The following IL1RL2 variants were observed in gnomAD, a reference collection of about 807,000 sequenced individuals.
IL1RL2 encodes the protein interleukin-1 receptor-like 2.
Under a neutral mutation model 66.8 loss-of-function variants are expected in IL1RL2, and 68 were observed. The observed-to-expected ratio is 1.02, with a 90% confidence interval of 0.84 to 1.25. The LOEUF (loss-of-function observed/expected upper bound fraction) is 1.25, where lower values mean the gene tolerates loss of function less well. Ranked by LOEUF, IL1RL2 falls within the 50% of genes most tolerant of loss-of-function variation. The pLI, the probability that IL1RL2 is intolerant of heterozygous loss-of-function variation, is 0.00. For missense variants in IL1RL2, 729 were observed against 709.3 expected (o/e 1.03, Z -0.32); for synonymous variants, 305 against 264.6 (o/e 1.15, Z -1.48).
At chr2:102,191,880 G>A in intron 3 of IL1RL2, 45 bp from the exon 4 acceptor site, 1 of 1,266,794 alleles carries the variant, frequency 7.9e-7, no homozygotes, top group Non-Finnish European at 1.1e-6. Flanking sequence ...ATTTGATTTT[G>A]TGATTTGTTT....
At chr2:102,220,947 T>A (rs903732107) in intron 8 of IL1RL2, among the ~76,000 whole-genome samples, 1 of 152,214 alleles carries the variant, frequency 6.6e-6, no homozygotes, top group Admixed American at 6.5e-5. Context: ...TGAATAGGGA[T>A]CTGTGCGTGG....
chr2:102,187,933 C>A lies in IL1RL2; in HGVS notation c.58+8C>A, dbSNP rs1167949278. On this transcript the variant is annotated splice_region_variant and intron_variant, in intron 2 of 11. Coordinates refer to ENST00000264257, the MANE Select transcript of IL1RL2 (RefSeq NM_003854.4). ...CACTGTCTGTCACAGCAGGTACGTT[C>A]CGTGTGTCCTCCGTTCCCAGAGGCT... The A allele has an allele frequency of 1.2e-6, 2 of 1,613,384 alleles. No homozygotes were observed. Among genetic ancestry groups the A allele is most frequent in the Admixed American group, 3.3e-5 (2 of 59,996 alleles).
At chr2:102,205,782 GT>G (rs897709751) in intron 5 of IL1RL2, among the ~76,000 whole-genome samples, 1 of 152,094 alleles carries the variant, frequency 6.6e-6, no homozygotes, top group Non-Finnish European at 1.5e-5. Context: ...CTTTCTCTAG[GT>G]TTGGGAAGTT....
rs149111647 is a variant in IL1RL2 at position 102,232,346 on chromosome 2, C to T, written c.1136-617C>T. The stretch of plus-strand genomic sequence containing the variant: ...CAGGCTGGTCTTGAACTCCTGACCT[C>T]AGGTGATCCACCTGCTTTGGCCTCC... On this transcript the variant is annotated intron_variant, in intron 9 of 11. Coordinates refer to ENST00000264257, the MANE Select transcript of IL1RL2 (RefSeq NM_003854.4). Among the ~76,000 whole-genome samples, 304 of 152,184 alleles carry T rather than the reference C, an allele frequency of 2.0e-3. 8 individuals carry two copies. In the East Asian group the frequency reaches 0.05, roughly 25 times the overall value.
Position 102,195,424 on chromosome 2 carries a change from A to AT in IL1RL2, c.489+3311dup, listed in dbSNP as rs917020792. 4.0e-5 allele frequency among the ~76,000 whole-genome samples: 6 copies of AT among 151,022 alleles called. No homozygotes were observed. In the East Asian group the frequency reaches 5.8e-4, roughly 15 times the overall value. On this transcript the variant is annotated intron_variant, in intron 4 of 11. Transcript: ENST00000264257. Reference sequence around the variant, plus strand: ...TGTAGTGTTGGTAGGGTCAAATGTAATTTTTTTCTCTGTGGACTTATAGTT... The same window carrying AT: ...TGTAGTGTTGGTAGGGTCAAATGTAATTTTTTTTCTCTGTGGACTTATAGTT...
At chr2:102,195,648 T>TC (rs1491114656) in intron 4 of IL1RL2, among the ~76,000 whole-genome samples, 501 of 12,634 alleles carry the variant, frequency 0.04, 39 homozygotes, top group Middle Eastern at 0.091. Context: ...TCTCTCTCTC[T>TC]TTCTTTCTTT....
At chr2:102,190,024 G>A (rs1434616982) in intron 3 of IL1RL2, among the ~76,000 whole-genome samples, 1 of 152,202 alleles carries the variant, frequency 6.6e-6, no homozygotes, top group African/African-American at 2.4e-5. Flanking sequence ...AGCCTCCTAT[G>A]AGCGCTTTTC....
chr2:102,229,799 T>C (rs551320579), intron 9 of IL1RL2, among the ~76,000 whole-genome samples: 2 of 152,322 alleles, frequency 1.3e-5, no homozygotes, highest in East Asian at 1.9e-4. Flanking sequence ...TTTGTACATT[T>C]TGAATTTTTC....
In IL1RL2 at chr2:102,234,825, C is replaced by T. The variant is rs35428174; in HGVS notation, c.1298-72C>T. 9.7e-3 allele frequency: 13,201 copies of T among 1,367,572 alleles called. 137 individuals carry two copies. Among genetic ancestry groups the T allele is most frequent in the African/African-American group, 0.052 (3,581 of 68,898 alleles). The allele number at this position is 1,367,572 out of a possible 1,614,324, so 84.7% of individuals were successfully genotyped here. A position where few individuals can be genotyped will look rare whatever the true frequency, so the allele number is the denominator to read the frequency against. ...CAATTTTCTCCTGGCCTGTTTCAAA[C>T]ATTCTCACTAGCATTAAGACCCGGG... On this transcript the variant is annotated intron_variant, in intron 10 of 11. Coordinates refer to ENST00000264257, the MANE Select transcript of IL1RL2 (RefSeq NM_003854.4).
intron 11 of IL1RL2, chr2:102,235,513 A>G: frequency 2.0e-6 from 2 of 985,456 alleles, no homozygotes; most frequent in Non-Finnish European, 2.4e-6. Flanking sequence ...CTATGGGCTT[A>G]TTGACACATG....
At chr2:102,195,586 T>G (rs532702583) in intron 4 of IL1RL2, among the ~76,000 whole-genome samples, 8 of 16,290 alleles carry the variant, frequency 4.9e-4, no homozygotes, top group African/African-American at 1.1e-3. Flanking sequence ...TCTTTCTTTC[T>G]TTCTTTCTTT....
intron 6 of IL1RL2, among the ~76,000 whole-genome samples, chr2:102,218,586 C>T (rs542257893): frequency 2.6e-5 from 4 of 152,316 alleles, no homozygotes; most frequent in East Asian, 1.9e-4. Context: ...AATAGCCCCT[C>T]CCCTTTTCCT....
intron 5 of IL1RL2, 140 bp downstream of exon 5, chr2:102,201,855 C>A: frequency 1.4e-6 from 1 of 707,600 alleles, no homozygotes; most frequent in South Asian, 1.9e-5. Context: ...CTCAGACCTG[C>A]CACTGTTAGA....
intron 5 of IL1RL2, among the ~76,000 whole-genome samples, chr2:102,202,644 C>T (rs977124743): frequency 2.0e-5 from 3 of 151,982 alleles, no homozygotes; most frequent in African/African-American, 7.3e-5. Context: ...TTATGTGTGG[C>T]TATTGTAAAT....
intron 8 of IL1RL2, among the ~76,000 whole-genome samples, chr2:102,223,490 C>G (rs573211254): frequency 2.2e-4 from 34 of 152,230 alleles, no homozygotes; most frequent in Non-Finnish European, 5.0e-4. Context: ...AACAGGACAT[C>G]TAGTACATCA....
chr2:102,227,590 C>T (rs1367176779), intron 9 of IL1RL2, among the ~76,000 whole-genome samples: 1 of 152,106 alleles, frequency 6.6e-6, no homozygotes, highest in Admixed American at 6.5e-5. Context: ...CTGGTTTTGG[C>T]TCTGGCATCT....
intron 11 of IL1RL2, chr2:102,235,881 G>C: frequency 2.0e-6 from 2 of 985,416 alleles, no homozygotes; most frequent in Non-Finnish European, 2.4e-6. Flanking sequence ...GACCAGTGGG[G>C]ACCCACGGGA....
chr2:102,214,577 T>C (rs1038052429), intron 6 of IL1RL2, among the ~76,000 whole-genome samples: 3 of 152,208 alleles, frequency 2.0e-5, no homozygotes, highest in African/African-American at 7.2e-5. Context: ...TTTCAAAAGA[T>C]GTTCCTAAAT....
intron 6 of IL1RL2, among the ~76,000 whole-genome samples, chr2:102,218,367 GA>G (rs1689797050): frequency 6.6e-6 from 1 of 152,148 alleles, no homozygotes; most frequent in Admixed American, 6.5e-5. Context: ...AGTCCACTGA[GA>G]CTATAAATTG....
Sources: gnomAD v4.1 joint callset for allele counts (sites outside exome capture counted in the v4.1 genomes callset) on GRCh38, gnomAD v4.1.1 for gene constraint, MANE v1.5 for transcripts, NCBI Gene and HGNC (gene_info 2026-07-23, HGNC 2026-07-21) for gene names.